TINF2: variants seen among roughly 807,000 people sequenced by gnomAD.
The protein encoded by TINF2 is TERF1-interacting nuclear factor 2.
TINF2 carries 27 observed loss-of-function variants against 50.4 expected under a neutral mutation model. The observed-to-expected ratio is 0.54, with a 90% confidence interval of 0.40 to 0.74. The LOEUF is 0.74. Among genes scored for constraint, TINF2 ranks in the 30% least tolerant of loss-of-function variants. The probability of loss-of-function intolerance (pLI) is 0.00; values close to 1 mark genes in which losing one functional copy is unlikely to be tolerated. For missense variants in TINF2, 496 were observed against 551.5 expected, an observed-to-expected ratio of 0.90 and a Z score of 1.01; for synonymous variants, 223 against 214.6, an observed-to-expected ratio of 1.04 and a Z score of -0.34.
Position 24,240,475 on chromosome 14 carries a change from C to T in TINF2, c.1005G>A (p.Leu335=), listed in dbSNP as rs763653589. The T allele has an allele frequency of 3.7e-6, 6 of 1,614,194 alleles. No homozygotes were observed. In the South Asian group the frequency reaches 6.6e-5, roughly 18 times the overall value. The change falls in exon 6 of 9, where the codon CTG becomes CTA. Residue 335 remains leucine, a synonymous_variant. Coordinates refer to ENST00000267415, the MANE Select transcript of TINF2 (RefSeq NM_001099274.3). The stretch of plus-strand genomic sequence containing the variant: ...GGTTCTCCTTCAGAGCCCTTCCCCC[C>T]AGGGTCTGGCATGGACTCTTAGACT... ...TGKSKSPCQT[L]GGRALKENPV...
Position 24,240,297 on chromosome 14 carries a change from T to C in TINF2, c.1095A>G (p.Arg365=). ...NCLDCYMDPL[R]LSLLPPRARK... ...TGGCCCTAGGAGGTAATAATGATAG[T>C]CTCAGGGGGTCCATGTAGCAATCCA... Residue 365 remains arginine (R), a synonymous_variant, in exon 7 of 9, where the codon AGA becomes AGG. Transcript: ENST00000267415. The C allele has an allele frequency of 6.2e-7, 1 of 1,613,874 alleles. No homozygotes were observed. Among genetic ancestry groups the C allele is most frequent in the Non-Finnish European group, 8.5e-7 (1 of 1,179,936 alleles).
In TINF2 at chr14:24,242,513, G is replaced by C; in HGVS notation, c.-181C>G. The C allele has an allele frequency of 7.0e-7, 1 of 1,429,656 alleles. No homozygotes were observed. Among genetic ancestry groups the C allele is most frequent in the East Asian group, 2.5e-5 (1 of 39,686 alleles). The allele number at this position is 1,429,656 out of a possible 1,614,324, so 88.6% of individuals were successfully genotyped here. On this transcript the variant is annotated 5_prime_UTR_variant, in exon 1 of 9. Coordinates refer to ENST00000267415, the MANE Select transcript of TINF2 (RefSeq NM_001099274.3). ...TCGGCCCCCAGAATTCTGGGGGAGG[G>C]GGTCTTCTGGCTCGGGCTGGAGGAG...
chr14:24,242,097 C>T, intron 1 of TINF2, 44 bp downstream of exon 1: 1 of 1,614,162 alleles, frequency 6.2e-7, no homozygotes, highest in Non-Finnish European at 8.5e-7. Context: ...TCGCATCCCG[C>T]CCCTTTCTTT....
rs765918306 is a variant in TINF2 at position 24,240,074 on chromosome 14, C to A, written c.1211G>T (p.Gly404Val). The change falls in exon 8 of 9, where the codon GGG becomes GTG. Residue 404 changes from glycine (G) to valine (V), a missense_variant. By Grantham distance (109) the Gly-to-Val change is moderately radical (BLOSUM62 -3). This residue lies in a region of TINF2 where 179 missense variants were observed against 188.3 expected (regional missense o/e 0.95). Coordinates refer to ENST00000267415, the MANE Select transcript of TINF2 (RefSeq NM_001099274.3). ...CTCCTTCCCACTCACCTTTCCTTCC[C>A]CCTGGCCATTTTCTTCCTCATCAGA... is the stretch of plus-strand genomic sequence containing the variant. ...LDSDEEENGQGEGKESLENYQ... is the reference protein window; with the variant it reads ...LDSDEEENGQVEGKESLENYQ... The A allele has an allele frequency of 6.2e-7, 1 of 1,614,134 alleles. No individual in the cohort carries two copies. Among genetic ancestry groups the A allele is most frequent in the African/African-American group, 1.3e-5 (1 of 74,998 alleles).
rs1381942850 is a variant in TINF2, at chr14:24,240,537, C to G, written c.943G>C (p.Asp315His). 3 of 1,614,074 alleles carry G rather than the reference C, an allele frequency of 1.9e-6. No individual in the cohort carries two copies. The highest frequency in any genetic ancestry group is 1.7e-5 in the Admixed American group (1 of 60,012). ...GCTGCTCTTGTGCCCATGGCTAGGT[C>G]TGCTGTGTATATCGCATGTTCTTCC... ...SKEEHAIYTA[D>H]LAMGTRAAST... The change falls in exon 6 of 9, where the codon GAC becomes CAC. Residue 315 changes from aspartate (D) to histidine (H), a missense_variant. This residue lies in a region of TINF2 where 179 missense variants were observed against 188.3 expected (regional missense o/e 0.95). Transcript: ENST00000267415.
chr14:24,239,679 A>C lies in TINF2; in HGVS notation c.*118T>G. On this transcript the variant is annotated 3_prime_UTR_variant, in exon 9 of 9. Coordinates refer to ENST00000267415, the MANE Select transcript of TINF2 (RefSeq NM_001099274.3). ...CCAAAGTTTAATTATTAAGGATTAC[A>C]AATATTTTTAGCAGTGTAGTTAGGC... 1 of 1,599,290 alleles carries C rather than the reference A, an allele frequency of 6.3e-7. No homozygotes were observed. Among genetic ancestry groups the C allele is most frequent in the Non-Finnish European group, 8.5e-7 (1 of 1,174,436 alleles).
At chr14:24,240,966 T>C (rs2040564735) in intron 5 of TINF2, 54 bp downstream of exon 5, 3 of 1,613,790 alleles carry the variant, frequency 1.9e-6, no homozygotes, top group African/African-American at 2.7e-5. Flanking sequence ...ACTATTCCAG[T>C]GGACTGCCTC....
chr14:24,241,046 C>G lies in TINF2; in HGVS notation c.578G>C (p.Gly193Ala). The change falls in exon 5 of 9, where the codon GGT (glycine) becomes GCT (alanine). Residue 193 changes from glycine to alanine, a missense_variant. Coordinates refer to ENST00000267415, the MANE Select transcript of TINF2 (RefSeq NM_001099274.3). ...TGGAAGCAGCCACCCCATGTCCACA[C>G]CATATTGTCTCCAGGCAAGAGAAGA... The part of the protein sequence containing the change: ...ITSSLAWRQY[G>A]VDMGWLLPEC... The G allele has an allele frequency of 1.9e-6, 3 of 1,614,184 alleles. No homozygotes were observed. The highest frequency in any genetic ancestry group is 2.5e-6 in the Non-Finnish European group (3 of 1,180,044).
At chr14:24,241,395 C>G (rs949102331) in intron 3 of TINF2, 84 bp from the exon 4 acceptor site, 1 of 1,364,510 alleles carries the variant, frequency 7.3e-7, no homozygotes, top group Admixed American at 1.7e-5. Flanking sequence ...TTTGGGAGGC[C>G]GAGGTGGGCG....
chr14:24,241,986 C>G lies in TINF2; in HGVS notation c.201G>C (p.Val67=). The change falls in exon 2 of 9, where the codon GTG becomes GTC. Residue 67 remains valine (V), a synonymous_variant. Coordinates refer to ENST00000267415, the MANE Select transcript of TINF2 (RefSeq NM_001099274.3). ...LCMGLKAKVV[V]ELILQGRPWA... ...AAGGCCGGCCCTGCAGGATCAGCTC[C>G]ACCACCACCTGTACGGTACTGAATT... 6.2e-7 allele frequency: 1 copy of G among 1,614,240 alleles called. No homozygotes were observed. The highest frequency in any genetic ancestry group is 8.5e-7 in the Non-Finnish European group (1 of 1,180,032).
At chr14:24,242,030 G>A (rs1376096642) in intron 1 of TINF2, 36 bp from the exon 2 acceptor site, 1 of 1,614,090 alleles carries the variant, frequency 6.2e-7, no homozygotes, top group Non-Finnish European at 8.5e-7. Context: ...CCACTTCGGG[G>A]CAAGCTGACC....
intron 3 of TINF2, 154 bp from the exon 4 acceptor site, chr14:24,241,465 A>C (rs1166440050): frequency 1.2e-6 from 1 of 836,106 alleles, no homozygotes; most frequent in East Asian, 2.6e-5. Flanking sequence ...CCCCATCTCT[A>C]CTAAAATACA....
At position 24,240,312 on chromosome 14, in the gene TINF2, G is replaced by A. The variant is rs759207190; in HGVS notation, c.1080C>T (p.Tyr360=). 19 of 1,613,904 alleles carry A rather than the reference G, an allele frequency of 1.2e-5. No individual in the cohort carries two copies. The highest frequency in any genetic ancestry group is 2.7e-5 in the African/African-American group (2 of 74,862). The part of the protein sequence containing the change: ...TEQKENCLDC[Y]MDPLRLSLLP... ...ATAATGATAGTCTCAGGGGGTCCAT[G>A]TAGCAATCCAAGCAATTCCTGAGGT... The change falls in exon 7 of 9, where the codon TAC becomes TAT. Residue 360 remains tyrosine, a synonymous_variant. Transcript: ENST00000267415.
rs985503051 is a variant in TINF2, at chr14:24,242,553, C to T, written c.-221G>A. 2.1e-6 allele frequency: 3 copies of T among 1,408,226 alleles called. No homozygotes were observed. In the African/African-American group the frequency reaches 4.3e-5, roughly 20 times the overall value. 87.2% of individuals were successfully genotyped at this position (1,408,226 alleles called of 1,614,324 possible). The stretch of plus-strand genomic sequence containing the variant: ...GGCTGGAGGAGCCTGAGTGGAGAAG[C>T]TGACCGTCTCCAGTGGCACTGGGTC... On this transcript the variant is annotated 5_prime_UTR_variant, in exon 1 of 9. Coordinates refer to ENST00000267415, the MANE Select transcript of TINF2 (RefSeq NM_001099274.3).
In TINF2 at chr14:24,242,327, A is replaced by C. The variant is rs2040599514; in HGVS notation, c.6T>G (p.Ala2=). The change falls in exon 1 of 9, where the codon GCT becomes GCG. Residue 2 remains alanine, a synonymous_variant. Coordinates refer to ENST00000267415, the MANE Select transcript of TINF2 (RefSeq NM_001099274.3). M[A]TPLVAGPAAL... Reference sequence around the variant, plus strand: ...CTGCGGGACCCGCCACCAGGGGCGTAGCCATGGTCGGCGGGCTCCGCCCGG... The same window carrying C: ...CTGCGGGACCCGCCACCAGGGGCGTCGCCATGGTCGGCGGGCTCCGCCCGG... The C allele has an allele frequency of 6.2e-7, 1 of 1,611,812 alleles. No individual in the cohort carries two copies. The highest frequency in any genetic ancestry group is 1.3e-5 in the African/African-American group (1 of 74,870).
Position 24,241,896 on chromosome 14 carries a change from G to A in TINF2, c.291C>T (p.Pro97=). 4 of 1,614,202 alleles carry A rather than the reference G, an allele frequency of 2.5e-6. 1 individual carries two copies. The highest frequency in any genetic ancestry group is 2.2e-5 in the East Asian group (1 of 44,876). Residue 97 remains proline, a synonymous_variant, in exon 2 of 9, where the codon CCC becomes CCT. Coordinates refer to ENST00000267415, the MANE Select transcript of TINF2 (RefSeq NM_001099274.3). ...TGTTCCGGGGATTACTCACAGCCTT[G>A]GGATCCCGCACTATAGGTCCAGATT... The part of the protein sequence containing the change: ...FPESGPIVRD[P]KATKQDLRKI...
At position 24,241,613 on chromosome 14, in the gene TINF2, C is replaced by CAAAAAAAAAA. The variant is rs5807249; in HGVS notation, c.399+52_399+61dup. 2.5e-5 allele frequency: 32 copies of CAAAAAAAAAA among 1,293,546 alleles called. No homozygotes were observed. In the African/African-American group the frequency reaches 3.9e-4, roughly 16 times the overall value. The allele number at this position is 1,293,546 out of a possible 1,614,324, so 80.1% of individuals were successfully genotyped here. The stretch of plus-strand genomic sequence containing the variant: ...GCCTGGGCGACAGAGCAAGATTCCT[C>CAAAAAAAAAA]AAAAAAAAAAAAAAATGGGTTAGAG... On this transcript the variant is annotated intron_variant, in intron 3 of 8. Coordinates refer to ENST00000267415, the MANE Select transcript of TINF2 (RefSeq NM_001099274.3).
chr14:24,241,173 T>G, intron 4 of TINF2, 31 bp downstream of exon 4: 1 of 1,614,064 alleles, frequency 6.2e-7, no homozygotes, highest in Non-Finnish European at 8.5e-7. Context: ...CACCCCACAC[T>G]CTGCCCTTAC....
chr14:24,239,744 C>T lies in TINF2; in HGVS notation c.*53G>A, dbSNP rs886050429. Reference sequence around the variant, plus strand: ...CTTCCACTTCATTCCTACTAAACTACTTGCAGAGCTGAGGAGGCAGGAGAC... The same window carrying T: ...CTTCCACTTCATTCCTACTAAACTATTTGCAGAGCTGAGGAGGCAGGAGAC... On this transcript the variant is annotated 3_prime_UTR_variant, in exon 9 of 9. Transcript: ENST00000267415. The T allele has an allele frequency of 2.5e-6, 4 of 1,614,018 alleles. No homozygotes were observed. The highest frequency in any genetic ancestry group is 3.4e-6 in the Non-Finnish European group (4 of 1,179,982).
Sources: allele counts gnomAD v4.1 joint callset, GRCh38; gene constraint gnomAD v4.1.1; regional missense constraint gnomAD v4.1.1; transcripts MANE v1.5; gene names NCBI Gene and HGNC (gene_info 2026-07-23, HGNC 2026-07-21).